Variants in CARS1 observed in about 807,000 individuals in gnomAD.
The protein encoded by CARS1 is cysteine--tRNA ligase, cytoplasmic.
In CARS1, 48 loss-of-function variants were observed where a neutral mutation model predicts 106.2. The observed-to-expected ratio is 0.45, with a 90% CI of 0.36 to 0.57. CARS1 has a LOEUF of 0.57. Ranked by LOEUF, CARS1 falls within the 20% of genes least tolerant of loss-of-function variation. CARS1 has a pLI of 0.00. For synonymous variants in CARS1, 409 were observed against 403.4 expected, an observed-to-expected ratio of 1.01 and a Z score of -0.17; for missense variants, 968 against 1,057.2, an observed-to-expected ratio of 0.92 and a Z score of 1.17.
intron 18 of CARS1, 45 bp from the exon 19 acceptor site, chr11:3,007,004 GGCCCACACAACCAGT>G (rs1337156126): frequency 3.3e-6 from 5 of 1,502,008 alleles, no homozygotes; most frequent in Non-Finnish European, 4.6e-6. Flanking sequence ...GAGGAGCCAG[GGCCCACACAACCAGT>G]GCCTCCTCCA....
chr11:3,022,751 G>A lies in CARS1; in HGVS notation c.1154-2419C>T, dbSNP rs1444793192. On this transcript the variant is annotated intron_variant, in intron 10 of 22. Coordinates refer to ENST00000380525, the MANE Select transcript of CARS1 (RefSeq NM_001014437.3). The surrounding 1 kb of genome is among the most constrained non-coding windows in gnomAD (Gnocchi z 4.9). ...CTTCCTGCCACGTGCCTTCCCGAGT[G>A]GTCTGCATGGCCCATCTGCCTCTGG... is the stretch of plus-strand genomic sequence containing the variant. Among the ~76,000 whole-genome samples the A allele has an allele frequency of 6.6e-6, 1 of 152,160 alleles. No homozygotes were observed. Among genetic ancestry groups the A allele is most frequent in the African/African-American group, 2.4e-5 (1 of 41,434 alleles).
In CARS1 at chr11:3,003,115, G is replaced by A. The variant is rs1849546498; in HGVS notation, c.2218-515C>T. ...ACTCCAACCAGCAGGCAGCACCCGG[G>A]CAGGGGCGAGGACAGTCTGATGCTG... On this transcript the variant is annotated intron_variant, in intron 20 of 22. Coordinates refer to ENST00000380525, the MANE Select transcript of CARS1 (RefSeq NM_001014437.3). This position sits in a 1 kb window ranked among gnomAD's most constrained non-coding sequence, Gnocchi z 4.8. Among the ~76,000 whole-genome samples the A allele has an allele frequency of 6.6e-6, 1 of 152,226 alleles. No individual in the cohort carries two copies. Among genetic ancestry groups the A allele is most frequent in the African/African-American group, 2.4e-5 (1 of 41,460 alleles).
chr11:3,026,857 G>C, intron 9 of CARS1, 60 bp from the exon 10 acceptor site: 1 of 1,561,288 alleles, frequency 6.4e-7, no homozygotes, highest in Non-Finnish European at 8.7e-7. Flanking sequence ...TGTGTCAGCA[G>C]GATGACAGTA....
chr11:3,031,222 G>C (rs1852719046), intron 7 of CARS1: 1 of 152,152 alleles, frequency 6.6e-6, no homozygotes, highest in Non-Finnish European at 1.5e-5. Flanking sequence ...TGAAAAGAGA[G>C]AATACTTTTA....
At position 3,029,093 on chromosome 11, in the gene CARS1, G is replaced by C. The variant is rs763993539; in HGVS notation, c.943-9C>G. ...ACATCTGGAGGGAGAACCTGTGCAA[G>C]ACATGAGAATGTCCTGGGATTTTCC... On this transcript the variant is annotated splice_polypyrimidine_tract_variant and intron_variant, in intron 8 of 22. Transcript: ENST00000380525. This position sits in a 1 kb window ranked among gnomAD's most constrained non-coding sequence, Gnocchi z 5.9. The C allele has an allele frequency of 1.2e-6, 2 of 1,600,080 alleles. No individual in the cohort carries two copies. Among genetic ancestry groups the C allele is most frequent in the Non-Finnish European group, 1.7e-6 (2 of 1,167,164 alleles).
At position 3,048,167 on chromosome 11, in the gene CARS1, G is replaced by A. The variant is rs902621446; in HGVS notation, c.26-166C>T. Among the ~76,000 whole-genome samples the A allele has an allele frequency of 1.3e-5, 2 of 152,196 alleles. No homozygotes were observed. Among genetic ancestry groups the A allele is most frequent in the South Asian group, 2.1e-4 (1 of 4,830 alleles). ...GGCAAAGGCACAGGGGCAGCGCTTC[G>A]ACTGGGGGCGAGGGAGTGACTGCCT... On this transcript the variant is annotated intron_variant, in intron 1 of 22. Coordinates refer to ENST00000380525, the MANE Select transcript of CARS1 (RefSeq NM_001014437.3). The surrounding 1 kb of genome is among the most constrained non-coding windows in gnomAD (Gnocchi z 5.1).
At chr11:3,026,561 G>C (rs1852097017) in intron 10 of CARS1, 115 bp downstream of exon 10, 2 of 1,102,364 alleles carry the variant, frequency 1.8e-6, no homozygotes, top group South Asian at 3.3e-5. Context: ...AAAAAGCACT[G>C]TTCCCAAGAG....
chr11:3,024,135 C>T (rs1324671661), intron 10 of CARS1, among the ~76,000 whole-genome samples: 2 of 152,232 alleles, frequency 1.3e-5, no homozygotes, highest in African/African-American at 4.8e-5. Flanking sequence ...TCGTGATCCG[C>T]CTGCCTTGGC....
chr11:3,008,017 G>A lies in CARS1; in HGVS notation c.2069-1058C>T, dbSNP rs1018555767. On this transcript the variant is annotated intron_variant, in intron 18 of 22. Coordinates refer to ENST00000380525, the MANE Select transcript of CARS1 (RefSeq NM_001014437.3). This position sits in a 1 kb window ranked among gnomAD's most constrained non-coding sequence, Gnocchi z 5.1. The stretch of plus-strand genomic sequence containing the variant: ...TACATCAACAGGACAGATGCTTGCT[G>A]CTCTCCAAGTGACAACTTTCTGCTC... 1.3e-5 allele frequency: 2 copies of A among 152,256 alleles called. No homozygotes were observed. The highest frequency in any genetic ancestry group is 6.5e-5 in the Admixed American group (1 of 15,284). The allele number at this position is 152,256 out of a possible 1,614,324, so 9.4% of individuals were successfully genotyped here. A position where few individuals can be genotyped will look rare whatever the true frequency, so the allele number is the denominator to read the frequency against.
At position 3,018,766 on chromosome 11, in the gene CARS1, A is replaced by C. The variant is rs1450651407; in HGVS notation, c.1396-17T>G. Reference sequence around the variant, plus strand: ...AAAGTAGGCCTGCGTGGAAAGAGACAAAGGATGTCAACAGTCATGTGTTAC... The same window carrying C: ...AAAGTAGGCCTGCGTGGAAAGAGACCAAGGATGTCAACAGTCATGTGTTAC... On this transcript the variant is annotated splice_polypyrimidine_tract_variant and intron_variant, in intron 12 of 22. Coordinates refer to ENST00000380525, the MANE Select transcript of CARS1 (RefSeq NM_001014437.3). 6.2e-7 allele frequency: 1 copy of C among 1,610,782 alleles called. No homozygotes were observed. The highest frequency in any genetic ancestry group is 2.2e-5 in the East Asian group (1 of 44,834).
At position 3,047,850 on chromosome 11, in the gene CARS1, A is replaced by G; in HGVS notation, c.177T>C (p.Ala59=). The part of the protein sequence containing the change: ...DAFRQLSAPP[A]DPQLFHVARW... ...GAGCCACGTGGAAGAGCTGGGGGTC[A>G]GCGGGCGGGGCCGAGAGCTGCCTGA... The change falls in exon 2 of 23, where the codon GCT becomes GCC. Residue 59 remains alanine, a synonymous_variant. Transcript: ENST00000380525. The G allele has an allele frequency of 1.9e-6, 3 of 1,614,072 alleles. No individual in the cohort carries two copies. The highest frequency in any genetic ancestry group is 2.5e-6 in the Non-Finnish European group (3 of 1,180,026).
chr11:3,011,523 A>G (rs11025044), intron 18 of CARS1, among the ~76,000 whole-genome samples: 69,392 of 151,884 alleles, frequency 0.46, 16,861 homozygotes, highest in African/African-American at 0.62. Flanking sequence ...CTGAGGCAGA[A>G]GAATGGCGTG....
intron 7 of CARS1, among the ~76,000 whole-genome samples, chr11:3,035,840 T>A (rs1417610881): frequency 6.6e-6 from 1 of 152,228 alleles, no homozygotes; most frequent in Non-Finnish European, 1.5e-5. Flanking sequence ...CTAGAAGGTC[T>A]GTGTCTGCCA....
At position 3,028,631 on chromosome 11, in the gene CARS1, A is replaced by G. The variant is rs1852366229; in HGVS notation, c.1031+365T>C. 1.6e-5 allele frequency: 5 copies of G among 311,714 alleles called. No homozygotes were observed. The highest frequency in any genetic ancestry group is 1.8e-3 in the Middle Eastern group (2 of 1,138). The allele number at this position is 311,714 out of a possible 1,614,324, so 19.3% of individuals were successfully genotyped here. A position where few individuals can be genotyped will look rare whatever the true frequency, so the allele number is the denominator to read the frequency against. On this transcript the variant is annotated intron_variant, in intron 9 of 22. Coordinates refer to ENST00000380525, the MANE Select transcript of CARS1 (RefSeq NM_001014437.3). This position sits in a 1 kb window ranked among gnomAD's most constrained non-coding sequence, Gnocchi z 4.4. ...CTGATGAAATGCATCCTCCTTCGGGATATGACACCAGGACTAGCACTCTCA... is the reference window on the plus strand; with the variant it reads ...CTGATGAAATGCATCCTCCTTCGGGGTATGACACCAGGACTAGCACTCTCA...
chr11:3,054,981 A>G (rs1471553947), intron 1 of CARS1: 1 of 702,492 alleles, frequency 1.4e-6, no homozygotes, highest in Non-Finnish European at 2.6e-6. Context: ...TCCTTCTGAA[A>G]TAATCAGGCT....
Position 3,040,231 on chromosome 11 carries a change from T to C in CARS1, c.456-300A>G. ...TTATCATTAGGAATACAGTATGTAA[T>C]GTATATACAAAATATGTGTTCATTG... On this transcript the variant is annotated intron_variant, in intron 4 of 22. Coordinates refer to ENST00000380525, the MANE Select transcript of CARS1 (RefSeq NM_001014437.3). This position sits in a 1 kb window ranked among gnomAD's most constrained non-coding sequence, Gnocchi z 5.8. 2.5e-6 allele frequency: 1 copy of C among 394,018 alleles called. No homozygotes were observed. The highest frequency in any genetic ancestry group is 2.9e-5 in the South Asian group (1 of 34,884). 24.4% of individuals were successfully genotyped at this position (394,018 alleles called of 1,614,324 possible).
In CARS1 at chr11:3,003,566, C is replaced by A. The variant is rs752332252; in HGVS notation, c.2218-966G>T. Among the ~76,000 whole-genome samples the A allele has an allele frequency of 6.6e-6, 1 of 152,050 alleles. No individual in the cohort carries two copies. The highest frequency in any genetic ancestry group is 1.5e-5 in the Non-Finnish European group (1 of 68,022). On this transcript the variant is annotated intron_variant, in intron 20 of 22. Transcript: ENST00000380525. The surrounding 1 kb of genome is among the most constrained non-coding windows in gnomAD (Gnocchi z 4.8). ...TCCTGGGGAGGCGCCACACACAGAG[C>A]TAGGGAAAAGAAACCAGGAAGGCAC...
At chr11:3,047,656 G>T in intron 2 of CARS1, 97 bp downstream of exon 2, 1 of 1,481,206 alleles carries the variant, frequency 6.8e-7, no homozygotes, top group East Asian at 2.3e-5. Context: ...TCCCTCTGGG[G>T]TATCCGCAGA....
Position 3,039,231 on chromosome 11 carries a change from G to T in CARS1, c.614C>A (p.Ala205Glu), listed in dbSNP as rs200598975. 1 of 1,613,540 alleles carries T rather than the reference G, an allele frequency of 6.2e-7. No homozygotes were observed. The highest frequency in any genetic ancestry group is 1.1e-5 in the South Asian group (1 of 91,050). ...CTGAACATCCTCCAAGAGCTGTGCC[G>T]CTTCAGGCCTCTTCTCCCGATACTG... Reference protein sequence around the residue: ...FEQYREKRPEAAQLLEDVQAA... With the variant: ...FEQYREKRPEEAQLLEDVQAA... The change falls in exon 6 of 23, where the codon GCG (alanine) becomes GAG (glutamate). Residue 205 changes from alanine to glutamate, a missense_variant. Physicochemically the swap from Ala to Glu is moderately radical, Grantham distance 107. Coordinates refer to ENST00000380525, the MANE Select transcript of CARS1 (RefSeq NM_001014437.3). This position sits in a 1 kb window ranked among gnomAD's most constrained non-coding sequence, Gnocchi z 5.6.
Sources: allele counts gnomAD v4.1 joint callset (sites outside exome capture counted in the v4.1 genomes callset), GRCh38; gene constraint gnomAD v4.1.1; non-coding constraint Gnocchi (gnomAD v3.1); transcripts MANE v1.5; gene names NCBI Gene and HGNC (gene_info 2026-07-23, HGNC 2026-07-21).